The following UQCRC1 variants were observed in gnomAD, a reference collection of about 807,000 sequenced individuals.
UQCRC1 encodes ubiquinol-cytochrome c reductase core protein 1, also known as cytochrome b-c1 complex subunit 1, mitochondrial.
Under a neutral mutation model 58.0 loss-of-function variants are expected in UQCRC1, and 34 were observed. The observed-to-expected ratio is 0.59, with a 90% CI of 0.45 to 0.78. The LOEUF is 0.78. Ranked by LOEUF, UQCRC1 falls within the 30% of genes least tolerant of loss-of-function variation. The pLI is 0.00. For missense variants in UQCRC1, 610 were observed against 646.0 expected (o/e 0.94, Z 0.60); for synonymous variants, 276 against 248.8 (o/e 1.11, Z -1.03).
intron 12 of UQCRC1, 104 bp from the exon 13 acceptor site, chr3:48,599,296 G>T: frequency 1.6e-6 from 2 of 1,288,972 alleles, no homozygotes; most frequent in Non-Finnish European, 2.1e-6. Flanking sequence ...AGCAGCACAA[G>T]ACAGGCTTTG....
At chr3:48,603,212 T>C (rs2046381390) in intron 6 of UQCRC1, among the ~76,000 whole-genome samples, 1 of 152,196 alleles carries the variant, frequency 6.6e-6, no homozygotes, top group African/African-American at 2.4e-5. Context: ...TTATCAGGCA[T>C]GCATCAACAC....
intron 11 of UQCRC1, 56 bp from the exon 12 acceptor site, chr3:48,599,766 C>T (rs1376736443): frequency 1.9e-6 from 3 of 1,556,468 alleles, no homozygotes; most frequent in African/African-American, 1.4e-5. Context: ...ACCACCTCAG[C>T]CAGTCAGCAT....
At chr3:48,602,523 GTT>G (rs1183025563) in intron 6 of UQCRC1, among the ~76,000 whole-genome samples, 6 of 128,676 alleles carry the variant, frequency 4.7e-5, no homozygotes, top group African/African-American at 8.5e-5. Flanking sequence ...AAGCATGTTT[GTT>G]TTTTTTTTTT....
Position 48,599,179 on chromosome 3 carries a change from C to G in UQCRC1, c.1392G>C (p.Gln464His), listed in dbSNP as rs367982591. ...TACGGATCCGGTTGTAGTCTGGGAGCTGCTCAATGGGGCCTGTGGGGATAG... is the reference window on the plus strand; with the variant it reads ...TACGGATCCGGTTGTAGTCTGGGAGGTGCTCAATGGGGCCTGTGGGGATAG... ...PAVAGYGPIE[Q>H]LPDYNRIRSG... The change falls in exon 13 of 13, where the codon CAG becomes CAC. Residue 464 changes from glutamine (Q) to histidine (H), a missense_variant. Transcript: ENST00000203407. 6.2e-7 allele frequency: 1 copy of G among 1,608,714 alleles called. No individual in the cohort carries two copies. The highest frequency in any genetic ancestry group is 1.3e-5 in the African/African-American group (1 of 74,976).
At chr3:48,607,514 A>C (rs2046425261) in intron 2 of UQCRC1, among the ~76,000 whole-genome samples, 1 of 151,242 alleles carries the variant, frequency 6.6e-6, no homozygotes. Flanking sequence ...GGGTACAAGC[A>C]CAATTTTTAG....
In UQCRC1 at chr3:48,600,769, G is replaced by C. The variant is rs773017337; in HGVS notation, c.1038C>G (p.Ile346Met). ...CCAGCAAGCCCGTCTCTGCATAGCAGATGCTGAAGGTCTGGAAACTCTGGC... is the reference window on the plus strand; with the variant it reads ...CCAGCAAGCCCGTCTCTGCATAGCACATGCTGAAGGTCTGGAAACTCTGGC... ...KLCQSFQTFS[I>M]CYAETGLLGA... The change falls in exon 9 of 13, where the codon ATC becomes ATG. Residue 346 changes from isoleucine to methionine, a missense_variant. By Grantham distance (10) the Ile-to-Met change is conservative. Coordinates refer to ENST00000203407, the MANE Select transcript of UQCRC1 (RefSeq NM_003365.3). The C allele has an allele frequency of 1.1e-5, 17 of 1,614,166 alleles. No individual in the cohort carries two copies. The highest frequency in any genetic ancestry group is 1.4e-5 in the Non-Finnish European group (16 of 1,180,040).
At chr3:48,601,704 G>A (rs747899154) in intron 6 of UQCRC1, among the ~76,000 whole-genome samples, 7 of 152,188 alleles carry the variant, frequency 4.6e-5, no homozygotes, top group African/African-American at 9.7e-5. Context: ...GAGCAAAAGC[G>A]TTCAGAGTTT....
At chr3:48,607,050 T>G (rs983538375) in intron 2 of UQCRC1, among the ~76,000 whole-genome samples, 27 of 141,708 alleles carry the variant, frequency 1.9e-4, no homozygotes, top group Admixed American at 1.7e-3. Context: ...TGTGTGTGTG[T>G]TTTTTTTTTG....
At chr3:48,609,475 T>G (rs2046445323) in intron 1 of UQCRC1, 77 bp downstream of exon 1, 1 of 1,528,978 alleles carries the variant, frequency 6.5e-7, no homozygotes, top group South Asian at 1.2e-5. Context: ...CACCTCGACC[T>G]GCCACTGCTA....
At chr3:48,603,665 T>C (rs759090174) in intron 5 of UQCRC1, 22 bp from the exon 6 acceptor site, 2 of 1,609,470 alleles carry the variant, frequency 1.2e-6, no homozygotes, top group Non-Finnish European at 8.5e-7. Flanking sequence ...ATGGTCAGTG[T>C]GTCAACACCT....
At chr3:48,606,157 T>G (rs2046409470) in intron 2 of UQCRC1, among the ~76,000 whole-genome samples, 1 of 152,208 alleles carries the variant, frequency 6.6e-6, no homozygotes, top group Non-Finnish European at 1.5e-5. Flanking sequence ...TTAAATTCAC[T>G]CTCAATTTTC....
At position 48,601,498 on chromosome 3, in the gene UQCRC1, A is replaced by G. The variant is rs775722562; in HGVS notation, c.707-31T>C. 6 of 1,606,496 alleles carry G rather than the reference A, an allele frequency of 3.7e-6. No individual in the cohort carries two copies. In the African/African-American group the frequency reaches 8.0e-5, roughly 21 times the overall value. On this transcript the variant is annotated intron_variant, in intron 6 of 12. Coordinates refer to ENST00000203407, the MANE Select transcript of UQCRC1 (RefSeq NM_003365.3). ...GAGACAGACAGTGGCATTACTGACCAGCCAGGGCCCAAGGCACAGGGTGGG... is the reference window on the plus strand; with the variant it reads ...GAGACAGACAGTGGCATTACTGACCGGCCAGGGCCCAAGGCACAGGGTGGG...
rs2046391955 is a variant in UQCRC1, at chr3:48,604,301, GTAGT to G, written c.554_557del (p.Asn185ThrfsTer12). 2 of 1,613,728 alleles carry G rather than the reference GTAGT, an allele frequency of 1.2e-6. No homozygotes were observed. Among genetic ancestry groups the G allele is most frequent in the African/African-American group, 2.7e-5 (2 of 74,920 alleles). On this transcript the variant is annotated frameshift_variant, in exon 5 of 13. Transcript: ENST00000203407. LOFTEE classifies it high-confidence loss of function. ...TGCCCTGGAATGCTGTGGCATGCAG[GTAGT>G]TAAAGACCACATCTCGCATAGATGC...
At chr3:48,604,524 A>G in intron 4 of UQCRC1, 93 bp from the exon 5 acceptor site, 1 of 1,581,684 alleles carries the variant, frequency 6.3e-7, no homozygotes, top group South Asian at 1.1e-5. Flanking sequence ...CCTGCTGCCC[A>G]CCCCTAGTTG....
intron 4 of UQCRC1, 85 bp from the exon 5 acceptor site, chr3:48,604,516 T>A (rs2046394627): frequency 6.3e-7 from 1 of 1,583,318 alleles, no homozygotes; most frequent in Admixed American, 1.7e-5. Flanking sequence ...TGGCATCTCC[T>A]GCTGCCCACC....
At chr3:48,609,081 A>G in intron 2 of UQCRC1, 81 bp downstream of exon 2, 1 of 1,525,578 alleles carries the variant, frequency 6.6e-7, no homozygotes, top group Non-Finnish European at 8.8e-7. Flanking sequence ...GGAAGACTCG[A>G]GCCCAAGGTC....
At chr3:48,607,741 T>A (rs900468242) in intron 2 of UQCRC1, among the ~76,000 whole-genome samples, 8 of 152,056 alleles carry the variant, frequency 5.3e-5, no homozygotes, top group African/African-American at 1.9e-4. Flanking sequence ...GTGATGTCAT[T>A]ACAGGCACAG....
chr3:48,599,213 G>A (rs199913897), intron 12 of UQCRC1, 21 bp from the exon 13 acceptor site: 9 of 1,582,686 alleles, frequency 5.7e-6, no homozygotes, highest in East Asian at 4.5e-5. Context: ...AGGGTGGAGC[G>A]TCAGGGTGGG....
chr3:48,604,437 T>G lies in UQCRC1; in HGVS notation c.428-6A>C. On this transcript the variant is annotated splice_polypyrimidine_tract_variant and splice_region_variant and intron_variant, in intron 4 of 12. Transcript: ENST00000203407. ...GTCACCCAGGAGCTCCACAGCTAGATGCAAGGAGGACATGTTTAGGTGCCA... is the reference window on the plus strand; with the variant it reads ...GTCACCCAGGAGCTCCACAGCTAGAGGCAAGGAGGACATGTTTAGGTGCCA... 1 of 1,613,594 alleles carries G rather than the reference T, an allele frequency of 6.2e-7. No homozygotes were observed. The highest frequency in any genetic ancestry group is 8.5e-7 in the Non-Finnish European group (1 of 1,179,718).
Sources: gnomAD v4.1 joint callset for allele counts (sites outside exome capture counted in the v4.1 genomes callset) on GRCh38, gnomAD v4.1.1 for gene constraint, MANE v1.5 for transcripts, NCBI Gene and HGNC (gene_info 2026-07-23, HGNC 2026-07-21) for gene names.